Variants in GFOD1 observed in about 807,000 individuals in gnomAD.
GFOD1 encodes the protein glucose-fructose oxidoreductase domain-containing protein 1.
In GFOD1, 9 loss-of-function variants were observed where a neutral mutation model predicts 25.4. That is an observed-to-expected ratio of 0.35 (90% CI 0.21 to 0.62). GFOD1 has a LOEUF of 0.62. Among genes scored for constraint, GFOD1 ranks in the 20% least tolerant of loss-of-function variants. The pLI, the probability that GFOD1 is intolerant of heterozygous loss-of-function variation, is 0.72. For synonymous variants in GFOD1, 253 were observed against 245.6 expected (o/e 1.03, Z -0.28); for missense variants, 403 against 556.9 (o/e 0.72, Z 2.78).
intron 1 of GFOD1, among the ~76,000 whole-genome samples, chr6:13,476,066 T>C (rs371940968): frequency 6.6e-6 from 1 of 152,192 alleles, no homozygotes; most frequent in Non-Finnish European, 1.5e-5. Context: ...ATACACACTA[T>C]ACAACTGAGC....
chr6:13,409,780 G>C (rs113111886), intron 1 of GFOD1, among the ~76,000 whole-genome samples: 25 of 152,156 alleles, frequency 1.6e-4, no homozygotes, highest in African/African-American at 6.0e-4. Flanking sequence ...AAATTAGCCA[G>C]GCATGGTGGC....
At chr6:13,459,672 A>G (rs1284152781) in intron 1 of GFOD1, among the ~76,000 whole-genome samples, 4 of 152,218 alleles carry the variant, frequency 2.6e-5, no homozygotes, top group Non-Finnish European at 5.9e-5. Flanking sequence ...AAACAACCCC[A>G]TCAAAAAGTA....
At chr6:13,474,042 T>C (rs1758564087) in intron 1 of GFOD1, among the ~76,000 whole-genome samples, 1 of 152,214 alleles carries the variant, frequency 6.6e-6, no homozygotes, top group African/African-American at 2.4e-5. Context: ...GCTGCAAGTG[T>C]CTCATTCAAA....
chr6:13,398,637 C>T (rs1785783984), intron 1 of GFOD1, among the ~76,000 whole-genome samples: 2 of 152,184 alleles, frequency 1.3e-5, no homozygotes, highest in African/African-American at 4.8e-5. Flanking sequence ...ATGGGCTTTC[C>T]TGGACTCAGA....
At chr6:13,449,812 C>A (rs1758064776) in intron 1 of GFOD1, among the ~76,000 whole-genome samples, 1 of 152,162 alleles carries the variant, frequency 6.6e-6, no homozygotes, top group South Asian at 2.1e-4. Context: ...GTCCATTAAA[C>A]CTCTTTTTCT....
intron 1 of GFOD1, among the ~76,000 whole-genome samples, chr6:13,390,585 G>C (rs572302870): frequency 6.6e-6 from 1 of 152,012 alleles, no homozygotes; most frequent in South Asian, 2.1e-4. Context: ...AAATTAGCCA[G>C]ATGTGGTGGT....
chr6:13,446,135 C>T (rs1757998624), intron 1 of GFOD1, among the ~76,000 whole-genome samples: 1 of 152,208 alleles, frequency 6.6e-6, no homozygotes, highest in Non-Finnish European at 1.5e-5. Context: ...TAATCACAGC[C>T]CATTCCTAGC....
chr6:13,435,917 T>C (rs1295195948), intron 1 of GFOD1, among the ~76,000 whole-genome samples: 1 of 152,224 alleles, frequency 6.6e-6, no homozygotes, highest in Non-Finnish European at 1.5e-5. Flanking sequence ...CATTCATGTT[T>C]ACAAATATAA....
At chr6:13,468,198 C>A (rs568293133) in intron 1 of GFOD1, among the ~76,000 whole-genome samples, 1 of 151,852 alleles carries the variant, frequency 6.6e-6, no homozygotes, top group African/African-American at 2.4e-5. Flanking sequence ...GGTGTGTGTG[C>A]GTGTGTGTGA....
intron 1 of GFOD1, among the ~76,000 whole-genome samples, chr6:13,381,915 G>GCACACACA (rs112808546): frequency 1.1e-4 from 15 of 140,050 alleles, no homozygotes; most frequent in African/African-American, 1.2e-4. Flanking sequence ...ACGCGCGCGC[G>GCACACACA]CACACACACA....
chr6:13,440,480 C>A (rs1480901078), intron 1 of GFOD1, among the ~76,000 whole-genome samples: 1 of 152,168 alleles, frequency 6.6e-6, no homozygotes, highest in Non-Finnish European at 1.5e-5. Context: ...CATGAGCCAC[C>A]GTGTGTGGCC....
intron 1 of GFOD1, among the ~76,000 whole-genome samples, chr6:13,425,654 C>A (rs1157670673): frequency 6.6e-6 from 1 of 152,184 alleles, no homozygotes; most frequent in Non-Finnish European, 1.5e-5. Flanking sequence ...TATACACATT[C>A]TGACATCTCC....
At chr6:13,464,101 C>G (rs192295862) in intron 1 of GFOD1, among the ~76,000 whole-genome samples, 1 of 152,218 alleles carries the variant, frequency 6.6e-6, no homozygotes, top group Admixed American at 6.5e-5. Flanking sequence ...GATTTACCCC[C>G]ACTCATTTTC....
rs778504183 is a variant in GFOD1 at position 13,365,317 on chromosome 6, T to C, written c.599A>G (p.Lys200Arg). The change falls in exon 2 of 2, where the codon AAG (lysine) becomes AGG (arginine). Residue 200 changes from lysine (K) to arginine (R), a missense_variant. Coordinates refer to ENST00000379287, the MANE Select transcript of GFOD1 (RefSeq NM_018988.4). This position sits in a 1 kb window ranked among gnomAD's most constrained non-coding sequence, Gnocchi z 9.2. ...GTGGTCAGTCTGCTTCACGAAGGTCTTGAGCAGCCCGTGGACCTTGACGGC... is the reference window on the plus strand; with the variant it reads ...GTGGTCAGTCTGCTTCACGAAGGTCCTGAGCAGCCCGTGGACCTTGACGGC... ...QKAVKVHGLL[K>R]TFVKQTDHIK... 37 of 1,614,094 alleles carry C rather than the reference T, an allele frequency of 2.3e-5. No homozygotes were observed. The highest frequency in any genetic ancestry group is 2.3e-5 in the Non-Finnish European group (27 of 1,180,036).
chr6:13,431,682 C>T (rs934557749), intron 1 of GFOD1, among the ~76,000 whole-genome samples: 8 of 152,186 alleles, frequency 5.3e-5, no homozygotes, highest in Non-Finnish European at 7.3e-5. Context: ...AAGAATGAAG[C>T]TTTTCATCTG....
In GFOD1 at chr6:13,362,443, C is replaced by G; in HGVS notation, c.*2300G>C. The G allele has an allele frequency of 7.5e-6, 1 of 133,166 alleles. No homozygotes were observed. The highest frequency in any genetic ancestry group is 1.5e-5 in the Non-Finnish European group (1 of 65,196). 8.2% of individuals were successfully genotyped at this position (133,166 alleles called of 1,614,324 possible). A position where few individuals can be genotyped will look rare whatever the true frequency, so the allele number is the denominator to read the frequency against. On this transcript the variant is annotated 3_prime_UTR_variant, in exon 2 of 2. Transcript: ENST00000379287. ...CACCACTGCACTCCAGCTTGGGTGA[C>G]AGAGCGAGACTCCATTTCAAAAAAA...
At chr6:13,378,607 A>G (rs1184617362) in intron 1 of GFOD1, among the ~76,000 whole-genome samples, 1 of 152,188 alleles carries the variant, frequency 6.6e-6, no homozygotes, top group Non-Finnish European at 1.5e-5. Context: ...TGGGGTTCCT[A>G]CAGGATTCCC....
At chr6:13,382,763 C>T (rs963870643) in intron 1 of GFOD1, among the ~76,000 whole-genome samples, 8 of 152,158 alleles carry the variant, frequency 5.3e-5, no homozygotes, top group Admixed American at 2.6e-4. Flanking sequence ...ATCAACTCAT[C>T]GCCTAGGTAT....
At chr6:13,408,121 T>TA in intron 1 of GFOD1, 3 of 984,552 alleles carry the variant, frequency 3.0e-6, no homozygotes, top group Non-Finnish European at 3.6e-6. Context: ...ATCCTCCACA[T>TA]AGAGTCTTTA....
Sources: allele counts gnomAD v4.1 joint callset (sites outside exome capture counted in the v4.1 genomes callset), GRCh38; gene constraint gnomAD v4.1.1; non-coding constraint Gnocchi (gnomAD v3.1); transcripts MANE v1.5; gene names NCBI Gene and HGNC (gene_info 2026-07-23, HGNC 2026-07-21).